PDE11A: variants seen among roughly 807,000 people sequenced by gnomAD.
PDE11A encodes the protein phosphodiesterase 11A, also known as dual 3',5'-cyclic-AMP and -GMP phosphodiesterase 11A.
PDE11A carries 100 observed loss-of-function variants against 100.5 expected under a neutral mutation model. The observed-to-expected ratio is 1.00, with a 90% CI of 0.85 to 1.18. The LOEUF is 1.18. Among genes scored for constraint, PDE11A ranks in the 50% most tolerant of loss-of-function variants. PDE11A has a pLI of 0.00. For synonymous variants in PDE11A, 381 were observed against 420.8 expected (o/e 0.91, Z 1.16); for missense variants, 1,141 against 1,152.6 (o/e 0.99, Z 0.15).
chr2:177,980,233 C>A (rs1182262814), intron 2 of PDE11A, among the ~76,000 whole-genome samples: 1 of 150,362 alleles, frequency 6.7e-6, no homozygotes. Context: ...ATTCCCAATT[C>A]TATCTCTGAT....
intron 9 of PDE11A, among the ~76,000 whole-genome samples, chr2:177,791,192 A>AT (rs1200544960): frequency 7.2e-5 from 11 of 151,928 alleles, no homozygotes; most frequent in Non-Finnish European, 1.3e-4. Flanking sequence ...ATACACCATG[A>AT]AATACTATGC....
chr2:177,859,903 C>T (rs2083915612), intron 5 of PDE11A, among the ~76,000 whole-genome samples: 2 of 151,796 alleles, frequency 1.3e-5, no homozygotes, highest in Non-Finnish European at 2.9e-5. Context: ...TTAGAAAATA[C>T]TTTGAATGAA....
intron 10 of PDE11A, among the ~76,000 whole-genome samples, chr2:177,762,525 C>T (rs2082183582): frequency 6.6e-6 from 1 of 152,182 alleles, no homozygotes; most frequent in South Asian, 2.1e-4. Context: ...CACTGTTGCT[C>T]TCCACTGGAC....
rs955098020 is a variant in PDE11A, at chr2:177,625,642, A to G, written c.*3765T>C. On this transcript the variant is annotated 3_prime_UTR_variant, in exon 20 of 20. Coordinates refer to ENST00000286063, the MANE Select transcript of PDE11A (RefSeq NM_016953.4). ...AAGCAAACATAATCTGGTCAGTTTG[A>G]GTTTTTACAAGAAGGCTCATATTTC... The G allele has an allele frequency of 6.6e-6, 1 of 152,226 alleles. No individual in the cohort carries two copies. Among genetic ancestry groups the G allele is most frequent in the Non-Finnish European group, 1.5e-5 (1 of 68,036 alleles). The allele number at this position is 152,226 out of a possible 1,614,324, so 9.4% of individuals were successfully genotyped here.
At chr2:177,670,115 T>C (rs1389684672) in intron 17 of PDE11A, among the ~76,000 whole-genome samples, 1 of 152,194 alleles carries the variant, frequency 6.6e-6, no homozygotes, top group South Asian at 2.1e-4. Context: ...ACTGTTGCAA[T>C]CAATCAAGAG....
At chr2:177,847,115 T>C (rs1259638737) in intron 5 of PDE11A, among the ~76,000 whole-genome samples, 4 of 152,134 alleles carry the variant, frequency 2.6e-5, no homozygotes, top group African/African-American at 9.7e-5. Context: ...TCCTTATTCG[T>C]ACCATGCCAG....
chr2:177,829,259 T>G (rs1002931047), intron 6 of PDE11A, among the ~76,000 whole-genome samples: 2 of 152,124 alleles, frequency 1.3e-5, no homozygotes, highest in African/African-American at 2.4e-5. Context: ...ATTAAAAATA[T>G]GCATATACTG....
intron 9 of PDE11A, among the ~76,000 whole-genome samples, chr2:177,799,387 T>G (rs1322526728): frequency 3.9e-5 from 6 of 152,184 alleles, no homozygotes; most frequent in Non-Finnish European, 7.3e-5. Context: ...TAGAGGAAAC[T>G]GGGTATGAGG....
At chr2:177,955,319 A>C (rs1479997655) in intron 2 of PDE11A, among the ~76,000 whole-genome samples, 1 of 152,222 alleles carries the variant, frequency 6.6e-6, no homozygotes, top group Non-Finnish European at 1.5e-5. Context: ...TTTTATGTAG[A>C]ATTTCAGTGG....
intron 9 of PDE11A, among the ~76,000 whole-genome samples, chr2:177,795,290 C>T (rs2082689996): frequency 6.6e-6 from 1 of 152,124 alleles, no homozygotes; most frequent in Non-Finnish European, 1.5e-5. Flanking sequence ...AACTTCCTTA[C>T]ATTCATCACC....
rs1402240244 is a variant in PDE11A, at chr2:177,711,871, C to A, written c.2051G>T (p.Gly684Val). 6.3e-7 allele frequency: 1 copy of A among 1,597,740 alleles called. No individual in the cohort carries two copies. The highest frequency in any genetic ancestry group is 8.6e-7 in the Non-Finnish European group (1 of 1,165,264). Residue 684 changes from glycine (G) to valine (V), a missense_variant, in exon 13 of 20, where the codon GGG (glycine) becomes GTG (valine). Transcript: ENST00000286063. ...CACCTCGGTCAGAATGTCTTGAAAC[C>A]CAGCAGTCTGGGAAGAAGGGGAAAA... is the stretch of plus-strand genomic sequence containing the variant. ...QLMFAMLTTA[G>V]FQDILTEVEI...
chr2:178,076,191 T>C (rs1462498004), upstream of PDE11A, among the ~76,000 whole-genome samples: 2 of 152,186 alleles, frequency 1.3e-5, no homozygotes, highest in African/African-American at 4.8e-5. Context: ...TCCTTCTCCA[T>C]CTACCCTTTC....
At chr2:178,033,237 G>C (rs1436739236) in intron 1 of PDE11A, among the ~76,000 whole-genome samples, 2 of 152,082 alleles carry the variant, frequency 1.3e-5, no homozygotes, top group African/African-American at 2.4e-5. Flanking sequence ...CACAGCACGA[G>C]AACTTCCTGT....
intron 9 of PDE11A, among the ~76,000 whole-genome samples, chr2:177,787,810 A>C (rs1429214053): frequency 6.6e-6 from 1 of 152,154 alleles, no homozygotes; most frequent in Non-Finnish European, 1.5e-5. Context: ...CATAATGGTA[A>C]AGGGATCAAT....
chr2:177,699,827 A>C (rs1559149138), intron 14 of PDE11A, among the ~76,000 whole-genome samples: 1 of 152,204 alleles, frequency 6.6e-6, no homozygotes. Context: ...TCTGTTCTTC[A>C]TAGGGAACCC....
At chr2:177,793,657 A>C (rs1369940661) in intron 9 of PDE11A, among the ~76,000 whole-genome samples, 1 of 152,102 alleles carries the variant, frequency 6.6e-6, no homozygotes, top group Non-Finnish European at 1.5e-5. Context: ...AGACCATCAA[A>C]AAGGAGGAGG....
chr2:177,761,622 A>G (rs1363725437), intron 10 of PDE11A, among the ~76,000 whole-genome samples: 1 of 152,232 alleles, frequency 6.6e-6, no homozygotes, highest in African/African-American at 2.4e-5. Context: ...GCAAATGAGA[A>G]GGTCACTTTT....
At chr2:177,889,333 T>G (rs1216108031) in intron 4 of PDE11A, among the ~76,000 whole-genome samples, 2 of 152,196 alleles carry the variant, frequency 1.3e-5, no homozygotes, top group African/African-American at 4.8e-5. Flanking sequence ...CCCATATGCT[T>G]TTTTCAACAT....
intron 5 of PDE11A, among the ~76,000 whole-genome samples, chr2:177,853,002 C>T (rs1376320314): frequency 6.6e-6 from 1 of 152,172 alleles, no homozygotes; most frequent in Non-Finnish European, 1.5e-5. Context: ...TGAGATTTAT[C>T]AGCCGGTGTC....
Sources: allele counts gnomAD v4.1 joint callset (sites outside exome capture counted in the v4.1 genomes callset), GRCh38; gene constraint gnomAD v4.1.1; transcripts MANE v1.5; gene names NCBI Gene and HGNC (gene_info 2026-07-23, HGNC 2026-07-21).